Variants in SCN3A observed in about 807,000 individuals in gnomAD.
SCN3A encodes sodium voltage-gated channel alpha subunit 3.
Under a neutral mutation model 187.6 loss-of-function variants are expected in SCN3A, and 60 were observed. The observed-to-expected ratio is 0.32, with a 90% CI of 0.26 to 0.40. The LOEUF (loss-of-function observed/expected upper bound fraction) is 0.40. Among genes scored for constraint, SCN3A ranks in the 10% least tolerant of loss-of-function variants. The pLI is 1.00. For synonymous variants in SCN3A, 788 were observed against 829.2 expected, an observed-to-expected ratio of 0.95 and a Z score of 0.85; for missense variants, 1,601 against 2,428.2, an observed-to-expected ratio of 0.66 and a Z score of 7.16.
At chr2:165,111,908 A>G (rs1686136654) in intron 21 of SCN3A, among the ~76,000 whole-genome samples, 1 of 152,220 alleles carries the variant, frequency 6.6e-6, no homozygotes, top group Non-Finnish European at 1.5e-5. Context: ...AGGGTTAAAC[A>G]CATTTTGGTT....
rs774298295 is a variant in SCN3A at position 165,097,474 on chromosome 2, C to T, written c.4017G>A (p.Leu1339=). 6.2e-7 allele frequency: 1 copy of T among 1,614,016 alleles called. No individual in the cohort carries two copies. Among genetic ancestry groups the T allele is most frequent in the Non-Finnish European group, 8.5e-7 (1 of 1,179,982 alleles). The part of the protein sequence containing the change: ...VGAIPSIMNV[L]LVCLIFWLIF... ...TCAACCAGAAGATGAGACAGACCAACAGCACATTCATGATAGAGGGAATTG... is the reference window on the plus strand; with the variant it reads ...TCAACCAGAAGATGAGACAGACCAATAGCACATTCATGATAGAGGGAATTG... Residue 1339 remains leucine, a synonymous_variant, in exon 23 of 28, where the codon CTG becomes CTA. Coordinates refer to ENST00000283254, the MANE Select transcript of SCN3A (RefSeq NM_006922.4).
intron 9 of SCN3A, among the ~76,000 whole-genome samples, chr2:165,160,649 A>AT (rs1689306826): frequency 6.6e-6 from 1 of 151,800 alleles, no homozygotes; most frequent in Non-Finnish European, 1.5e-5. Flanking sequence ...TATTAAAAAA[A>AT]TTTTTTGGGG....
At chr2:165,193,462 T>C (rs953567390) in intron 1 of SCN3A, among the ~76,000 whole-genome samples, 2 of 152,088 alleles carry the variant, frequency 1.3e-5, no homozygotes, top group African/African-American at 4.8e-5. Context: ...ATGACAAATA[T>C]AAAGCAAACA....
At chr2:165,161,695 G>T (rs1289292150) in intron 9 of SCN3A, among the ~76,000 whole-genome samples, 1 of 152,138 alleles carries the variant, frequency 6.6e-6, no homozygotes, top group African/African-American at 2.4e-5. Flanking sequence ...ATATTTAAGG[G>T]TTAGAGAATA....
At chr2:165,164,272 A>G (rs948853314) in intron 6 of SCN3A, 120 bp downstream of exon 6, 2 of 1,262,688 alleles carry the variant, frequency 1.6e-6, no homozygotes, top group Admixed American at 1.9e-5. Flanking sequence ...AAAATACACA[A>G]TCCATATAGT....
At chr2:165,111,023 G>A (rs1015072076) in intron 21 of SCN3A, among the ~76,000 whole-genome samples, 2 of 152,166 alleles carry the variant, frequency 1.3e-5, no homozygotes, top group Admixed American at 6.5e-5. Flanking sequence ...GAATTTTCTA[G>A]AAAACTTCTA....
chr2:165,141,851 A>C (rs1688031168), intron 12 of SCN3A, among the ~76,000 whole-genome samples: 1 of 152,230 alleles, frequency 6.6e-6, no homozygotes, highest in Admixed American at 6.5e-5. Context: ...GTTTTATTTT[A>C]ATTATATTAA....
rs1687085883 is a variant in SCN3A at position 165,127,875 on chromosome 2, G to A, written c.3149C>T (p.Ser1050Phe). The A allele has an allele frequency of 3.7e-6, 6 of 1,614,000 alleles. No homozygotes were observed. The highest frequency in any genetic ancestry group is 5.1e-6 in the Non-Finnish European group (6 of 1,180,004). The change falls in exon 18 of 28, where the codon TCC becomes TTC. Residue 1050 changes from serine to phenylalanine, a missense_variant. Ser to Phe is a radical substitution (Grantham distance 155, BLOSUM62 -2). Around this residue, in one of 11 missense-constraint regions of SCN3A, gnomAD observed 267 missense variants for 313.2 expected, o/e 0.85. Coordinates refer to ENST00000283254, the MANE Select transcript of SCN3A (RefSeq NM_006922.4). ...GCTTATTTCAATTCCAGTATTATTGGACATGCAGCTGTCTATCTTATTGCC... is the reference window on the plus strand; with the variant it reads ...GCTTATTTCAATTCCAGTATTATTGAACATGCAGCTGTCTATCTTATTGCC... Reference protein sequence around the residue: ...HEGNKIDSCMSNNTGIEISKE... With the variant: ...HEGNKIDSCMFNNTGIEISKE...
At chr2:165,161,577 A>G (rs1396222104) in intron 9 of SCN3A, among the ~76,000 whole-genome samples, 1 of 152,148 alleles carries the variant, frequency 6.6e-6, no homozygotes, top group African/African-American at 2.4e-5. Context: ...GGATGACTCA[A>G]AATATATTTA....
At chr2:165,138,255 G>A in intron 14 of SCN3A, 138 bp from the exon 15 acceptor site, 1 of 677,960 alleles carries the variant, frequency 1.5e-6, no homozygotes, top group South Asian at 1.7e-5. Flanking sequence ...AACTTGAGAA[G>A]ACAATCCCAT....
intron 1 of SCN3A, among the ~76,000 whole-genome samples, chr2:165,190,813 CAT>C (rs1691553047): frequency 6.6e-6 from 1 of 151,626 alleles, no homozygotes; most frequent in Non-Finnish European, 1.5e-5. Flanking sequence ...TGTATCCTAA[CAT>C]TGAAAATAAT....
At chr2:165,093,509 T>C (rs931225342) in intron 26 of SCN3A, 4 of 152,230 alleles carry the variant, frequency 2.6e-5, no homozygotes, top group Non-Finnish European at 5.9e-5. Flanking sequence ...AATACAGTTT[T>C]ATTAAAGAAA....
intron 21 of SCN3A, among the ~76,000 whole-genome samples, chr2:165,106,031 A>C (rs1013095085): frequency 2.6e-5 from 4 of 152,198 alleles, no homozygotes; most frequent in African/African-American, 4.8e-5. Flanking sequence ...TGCTATATAA[A>C]AGCAAATACC....
At chr2:165,103,461 C>T (rs1029910173) in intron 21 of SCN3A, among the ~76,000 whole-genome samples, 1 of 152,136 alleles carries the variant, frequency 6.6e-6, no homozygotes, top group African/African-American at 2.4e-5. Flanking sequence ...ACACAAAAGG[C>T]ACTCTTGCCA....
chr2:165,161,133 C>CTTT (rs1689347056), intron 9 of SCN3A, among the ~76,000 whole-genome samples: 1 of 83,690 alleles, frequency 1.2e-5, no homozygotes, highest in East Asian at 3.0e-4. Flanking sequence ...TTTTTTCTTT[C>CTTT]TTTCTTTTTT....
intron 18 of SCN3A, among the ~76,000 whole-genome samples, chr2:165,121,794 G>A (rs1215039128): frequency 1.3e-5 from 2 of 152,180 alleles, no homozygotes; most frequent in African/African-American, 2.4e-5. Context: ...AATGGAGAAA[G>A]TTGAGTGAAC....
chr2:165,179,625 G>A (rs1690709495), intron 2 of SCN3A: 2 of 152,192 alleles, frequency 1.3e-5, no homozygotes. Context: ...ACGTCTCGTT[G>A]AAATTCCCAT....
At chr2:165,191,218 A>G (rs551619994) in intron 1 of SCN3A, among the ~76,000 whole-genome samples, 1 of 152,064 alleles carries the variant, frequency 6.6e-6, no homozygotes, top group African/African-American at 2.4e-5. Context: ...GAACCTTGAA[A>G]TGATTTACAG....
rs56030270 is a variant in SCN3A, at chr2:165,164,371, C to G, written c.602+21G>C. Reference sequence around the variant, plus strand: ...ACTATTTTCACTCCTTTGCGCTTATCAAATTTTCAAAGTTACTCACGCCAT... The same window carrying G: ...ACTATTTTCACTCCTTTGCGCTTATGAAATTTTCAAAGTTACTCACGCCAT... On this transcript the variant is annotated intron_variant, in intron 6 of 27. Coordinates refer to ENST00000283254, the MANE Select transcript of SCN3A (RefSeq NM_006922.4). 1,514 of 1,613,526 alleles carry G rather than the reference C, an allele frequency of 9.4e-4. 7 individuals carry two copies. The African/African-American group carries it at 0.018, about 20-fold the overall frequency.
Sources: gnomAD v4.1 joint callset for allele counts (sites outside exome capture counted in the v4.1 genomes callset) on GRCh38, gnomAD v4.1.1 for gene constraint, gnomAD v4.1.1 regional missense constraint, MANE v1.5 for transcripts, NCBI Gene and HGNC (gene_info 2026-07-23, HGNC 2026-07-21) for gene names.